The following NAALADL2 variants were observed in gnomAD, a reference collection of about 807,000 sequenced individuals.
NAALADL2 encodes N-acetylated alpha-linked acidic dipeptidase like 2.
Under a neutral mutation model 87.2 loss-of-function variants are expected in NAALADL2, and 76 were observed. That is an observed-to-expected ratio of 0.87 (90% CI 0.72 to 1.05). The LOEUF is 1.05. Among genes scored for constraint, NAALADL2 ranks in the 50% least tolerant of loss-of-function variants. The pLI is 0.00. For missense variants in NAALADL2, 1,089 were observed against 945.8 expected, an observed-to-expected ratio of 1.15 and a Z score of -1.99; for synonymous variants, 354 against 331.0, an observed-to-expected ratio of 1.07 and a Z score of -0.75.
intron 11 of NAALADL2, among the ~76,000 whole-genome samples, chr3:175,732,889 G>A (rs188827986): frequency 2.0e-5 from 3 of 149,718 alleles, no homozygotes; most frequent in African/African-American, 4.9e-5. Flanking sequence ...AACAACACAC[G>A]CTGGGGTCTG....
At chr3:175,458,054 T>C (rs1203254670) in intron 6 of NAALADL2, among the ~76,000 whole-genome samples, 1 of 152,128 alleles carries the variant, frequency 6.6e-6, no homozygotes, top group Non-Finnish European at 1.5e-5. Flanking sequence ...TCTGTGTCCT[T>C]TGACATGTAC....
At chr3:175,100,028 T>A (rs1374498077) in intron 2 of NAALADL2, among the ~76,000 whole-genome samples, 2 of 150,660 alleles carry the variant, frequency 1.3e-5, no homozygotes, top group Non-Finnish European at 3.0e-5. Context: ...GTATTTATAT[T>A]ATATGATATA....
At chr3:175,392,548 A>G (rs1769207072) in intron 5 of NAALADL2, among the ~76,000 whole-genome samples, 1 of 152,222 alleles carries the variant, frequency 6.6e-6, no homozygotes, top group Admixed American at 6.5e-5. Flanking sequence ...TCTTGAAAGC[A>G]TGAAAATAAA....
intron 1 of NAALADL2, among the ~76,000 whole-genome samples, chr3:174,996,394 G>T (rs1024869949): frequency 6.6e-6 from 1 of 151,882 alleles, no homozygotes; most frequent in African/African-American, 2.4e-5. Context: ...CTACTCGGGA[G>T]GCTGAGGCAG....
At position 175,425,183 on chromosome 3, in the gene NAALADL2, G is replaced by C. The variant is rs562446885; in HGVS notation, c.1091-22046G>C. The stretch of plus-strand genomic sequence containing the variant: ...CATTCACAAATACGGTATCAGTAGA[G>C]GAGTAGAGGAGAAGCATGGGGAGAA... On this transcript the variant is annotated intron_variant, in intron 5 of 13. Coordinates refer to ENST00000454872, the MANE Select transcript of NAALADL2 (RefSeq NM_207015.3). Among the ~76,000 whole-genome samples, 6 of 152,200 alleles carry C rather than the reference G, an allele frequency of 3.9e-5. No homozygotes were observed. The East Asian group carries it at 1.2e-3, about 29-fold the overall frequency.
chr3:175,423,018 GAAA>G (rs1218647180), intron 5 of NAALADL2, among the ~76,000 whole-genome samples: 1 of 61,612 alleles, frequency 1.6e-5, no homozygotes, highest in African/African-American at 7.9e-5. Flanking sequence ...AGGTCCTTAA[GAAA>G]AAAAAAAATA....
At chr3:174,890,091 A>G (rs1730684527) in intron 1 of NAALADL2, among the ~76,000 whole-genome samples, 1 of 152,188 alleles carries the variant, frequency 6.6e-6, no homozygotes, top group Non-Finnish European at 1.5e-5. Context: ...TATCGGTACC[A>G]TCACTCTAGA....
intron 4 of NAALADL2, among the ~76,000 whole-genome samples, chr3:175,289,803 A>G (rs2110134498): frequency 6.6e-6 from 1 of 152,218 alleles, no homozygotes; most frequent in Non-Finnish European, 1.5e-5. Flanking sequence ...TCAAAAAACA[A>G]ACAAAAGAAC....
At chr3:174,727,193 C>T (rs1732276020) in intron 2 of NAALADL2, among the ~76,000 whole-genome samples, 3 of 144,074 alleles carry the variant, frequency 2.1e-5, no homozygotes, top group East Asian at 2.0e-4. Context: ...ATGTTGTTTT[C>T]TTGTTTTTTT....
chr3:175,666,656 G>T (rs1423206198), intron 11 of NAALADL2, among the ~76,000 whole-genome samples: 1 of 152,094 alleles, frequency 6.6e-6, no homozygotes, highest in East Asian at 1.9e-4. Context: ...TAGCTTTGTA[G>T]CTAGCAGAAT....
rs549300554 is a variant in NAALADL2 at position 175,328,236 on chromosome 3, A to T, written c.1090+3911A>T. Among the ~76,000 whole-genome samples, 5 of 152,314 alleles carry T rather than the reference A, an allele frequency of 3.3e-5. No homozygotes were observed. In the East Asian group the frequency reaches 7.7e-4, roughly 24 times the overall value. ...TACCACATACACACCCATGTGTGGG[A>T]ATGCTAATGGGATAGAATCTGATAC... On this transcript the variant is annotated intron_variant, in intron 5 of 13. Transcript: ENST00000454872.
Position 174,784,519 on chromosome 3 carries a change from A to T in NAALADL2, c.-9+46773A>T, listed in dbSNP as rs189866467. On this transcript the variant is annotated intron_variant, in intron 3 of 3. Transcript: ENST00000434257. ...GCACAGTGCTGGATGAAATCAAACG[A>T]TAAAAACCTTTTCTTAAGTGTATTA... Among the ~76,000 whole-genome samples, 366 of 152,334 alleles carry T rather than the reference A, an allele frequency of 2.4e-3. 3 individuals carry two copies. Among genetic ancestry groups the T allele is most frequent in the African/African-American group, 8.4e-3 (348 of 41,578 alleles).
chr3:174,974,270 C>A (rs1307643260), intron 1 of NAALADL2, among the ~76,000 whole-genome samples: 1 of 152,176 alleles, frequency 6.6e-6, no homozygotes, highest in Non-Finnish European at 1.5e-5. Context: ...GATAAACACC[C>A]TTTAGTGGTG....
chr3:174,873,667 A>C (rs1008614826), intron 1 of NAALADL2, among the ~76,000 whole-genome samples: 1 of 152,076 alleles, frequency 6.6e-6, no homozygotes, highest in Non-Finnish European at 1.5e-5. Flanking sequence ...GCATGATTTG[A>C]ATTTTACATT....
intron 3 of NAALADL2, among the ~76,000 whole-genome samples, chr3:174,807,784 T>C (rs1214124764): frequency 6.6e-6 from 1 of 152,126 alleles, no homozygotes; most frequent in Non-Finnish European, 1.5e-5. Context: ...AGATACCTTG[T>C]ATTTAAAATA....
At chr3:175,611,075 C>G (rs1439972318) in intron 10 of NAALADL2, among the ~76,000 whole-genome samples, 2 of 151,982 alleles carry the variant, frequency 1.3e-5, no homozygotes, top group East Asian at 3.9e-4. Flanking sequence ...AATTTAAACC[C>G]AGGCCCCAGA....
intron 2 of NAALADL2, among the ~76,000 whole-genome samples, chr3:175,138,129 G>A (rs9829922): frequency 0.035 from 5,344 of 152,236 alleles, 152 homozygotes; most frequent in South Asian, 0.086. Context: ...CAAAACAGAG[G>A]ATGGAGTGAG....
chr3:175,208,881 C>T (rs938335863), intron 2 of NAALADL2, among the ~76,000 whole-genome samples: 8 of 152,228 alleles, frequency 5.3e-5, no homozygotes, highest in East Asian at 1.9e-4. Flanking sequence ...TCAGTCCAGG[C>T]GCAGATTGAA....
chr3:175,393,482 A>T (rs1769347391), intron 5 of NAALADL2, among the ~76,000 whole-genome samples: 1 of 151,798 alleles, frequency 6.6e-6, no homozygotes, highest in African/African-American at 2.4e-5. Context: ...ATAATTTTTT[A>T]GGTTATAATT....
Sources: gnomAD v4.1 joint callset for allele counts (sites outside exome capture counted in the v4.1 genomes callset) on GRCh38, gnomAD v4.1.1 for gene constraint, MANE v1.5 for transcripts, NCBI Gene and HGNC (gene_info 2026-07-23, HGNC 2026-07-21) for gene names.